ZNF451: variants seen among roughly 807,000 people sequenced by gnomAD.
The protein encoded by ZNF451 is E3 SUMO-protein ligase ZNF451.
A neutral mutation model predicts 107.1 loss-of-function variants in ZNF451; 80 were observed. The observed-to-expected ratio is 0.75, with a 90% CI of 0.62 to 0.90. ZNF451 has a LOEUF of 0.90. ZNF451 is among the 40% of genes least tolerant of loss of function. The pLI, the probability that ZNF451 is intolerant of heterozygous loss-of-function variation, is 0.00. For missense variants in ZNF451, 1,107 were observed against 1,236.2 expected (o/e 0.90, Z 1.57); for synonymous variants, 362 against 406.5 (o/e 0.89, Z 1.32).
intron 9 of ZNF451, among the ~76,000 whole-genome samples, chr6:57,145,919 A>G (rs925171310): frequency 6.6e-6 from 1 of 152,192 alleles, no homozygotes; most frequent in African/African-American, 2.4e-5. Context: ...TTCCATCAAC[A>G]GTGTATAAGT....
Position 57,094,687 on chromosome 6 carries a change from G to C in ZNF451, c.105+3793G>C, listed in dbSNP as rs368542116. Among the ~76,000 whole-genome samples, 105 of 152,080 alleles carry C rather than the reference G, an allele frequency of 6.9e-4. 2 individuals carry two copies. The highest frequency in any genetic ancestry group is 2.3e-3 in the African/African-American group (94 of 41,482). On this transcript the variant is annotated intron_variant, in intron 2 of 14. Coordinates refer to ENST00000370706, the MANE Select transcript of ZNF451 (RefSeq NM_001031623.3). Reference sequence around the variant, plus strand: ...AAACATAACTTCTTTTGAGAAATTGGTAATTTATTTTTGGTCAGTGTTACA... The same window carrying C: ...AAACATAACTTCTTTTGAGAAATTGCTAATTTATTTTTGGTCAGTGTTACA...
intron 3 of ZNF451, among the ~76,000 whole-genome samples, chr6:57,119,041 A>C (rs761793490): frequency 1.4e-4 from 21 of 152,234 alleles, no homozygotes; most frequent in Non-Finnish European, 2.9e-4. Context: ...TCATACTGAA[A>C]ATACCAATTT....
At chr6:57,098,410 C>T (rs2127936549) in intron 2 of ZNF451, among the ~76,000 whole-genome samples, 1 of 152,182 alleles carries the variant, frequency 6.6e-6, no homozygotes, top group Admixed American at 6.5e-5. Context: ...CTTGCCATCA[C>T]CACCATTAGT....
intron 14 of ZNF451, among the ~76,000 whole-genome samples, chr6:57,163,406 C>T (rs1195638539): frequency 7.5e-6 from 1 of 134,214 alleles, no homozygotes; most frequent in Non-Finnish European, 1.6e-5. Flanking sequence ...CAGTGTTTGG[C>T]ACAAAATGGT....
rs538532152 is a variant in ZNF451, at chr6:57,108,716, C to T, written c.186+9575C>T. The stretch of plus-strand genomic sequence containing the variant: ...CAGGTCTTGGAAGCATGTTAATATC[C>T]GTGTGTTTAATTGTCATCTTCCTGC... On this transcript the variant is annotated intron_variant, in intron 3 of 14. Coordinates refer to ENST00000370706, the MANE Select transcript of ZNF451 (RefSeq NM_001031623.3). The T allele has an allele frequency of 7.1e-6, 7 of 985,316 alleles. No individual in the cohort carries two copies. The South Asian group carries it at 2.8e-4, about 40-fold the overall frequency. The allele number at this position is 985,316 out of a possible 1,614,324, so 61.0% of individuals were successfully genotyped here.
chr6:57,168,076 T>G (rs1324276136), intron 14 of ZNF451, among the ~76,000 whole-genome samples: 1 of 152,188 alleles, frequency 6.6e-6, no homozygotes, highest in African/African-American at 2.4e-5. Context: ...CTTATATGTA[T>G]CACCTCAAGT....
chr6:57,147,442 G>C lies in ZNF451; in HGVS notation c.1357G>C (p.Asp453His), dbSNP rs767535656. 4 of 1,614,066 alleles carry C rather than the reference G, an allele frequency of 2.5e-6. No individual in the cohort carries two copies. Among genetic ancestry groups the C allele is most frequent in the Non-Finnish European group, 3.4e-6 (4 of 1,179,966 alleles). ...TCCAAAAAAGAAGATGAATTTAAAA[G>C]ATAAAAGCCATGAAGGTGTTGCTTG... The part of the protein sequence containing the change: ...AIPKKKMNLK[D>H]KSHEGVACVQ... The change falls in exon 10 of 15, where the codon GAT becomes CAT. Residue 453 changes from aspartate (D) to histidine (H), a missense_variant. Physicochemically the swap from Asp to His is moderately conservative, Grantham distance 81 (BLOSUM62 -1). Transcript: ENST00000370706.
chr6:57,140,650 G>A (rs1562616854), intron 7 of ZNF451, among the ~76,000 whole-genome samples: 2 of 149,566 alleles, frequency 1.3e-5, no homozygotes, highest in African/African-American at 4.9e-5. Flanking sequence ...TTTCTAGTGG[G>A]AAAAAAAAAC....
chr6:57,093,949 C>T lies in ZNF451; in HGVS notation c.105+3055C>T, dbSNP rs117031979. Among the ~76,000 whole-genome samples the T allele has an allele frequency of 6.2e-4, 94 of 152,280 alleles. 1 individual carries two copies. The East Asian group carries it at 0.017, about 27-fold the overall frequency. ...TCAGGACTGCACAAGTAACCTGTGT[C>T]CCTGACTTCTCTATATGGGGGGAAA... On this transcript the variant is annotated intron_variant, in intron 2 of 14. Transcript: ENST00000370706.
chr6:57,103,843 C>T, intron 3 of ZNF451: 1 of 985,320 alleles, frequency 1.0e-6, no homozygotes, highest in Non-Finnish European at 1.2e-6. Context: ...ATTGGAAGCT[C>T]ATTCCTCCTC....
Position 57,124,722 on chromosome 6 carries a change from T to G in ZNF451, c.187-12T>G. The G allele has an allele frequency of 6.4e-7, 1 of 1,555,030 alleles. No homozygotes were observed. Among genetic ancestry groups the G allele is most frequent in the Non-Finnish European group, 8.8e-7 (1 of 1,133,218 alleles). ...TTTGTTAAAAGGAATGAAAATTTTT[T>G]TCATGTTATAGGAGAATATTAAACG... is the stretch of plus-strand genomic sequence containing the variant. On this transcript the variant is annotated splice_polypyrimidine_tract_variant and intron_variant, in intron 3 of 14. Transcript: ENST00000370706.
At chr6:57,100,633 G>C in intron 3 of ZNF451, 2 of 1,538,132 alleles carry the variant, frequency 1.3e-6, no homozygotes, top group Non-Finnish European at 1.8e-6. Flanking sequence ...GCCATCCTCT[G>C]AGAATCATCG....
chr6:57,113,747 G>T (rs965034537), intron 3 of ZNF451, among the ~76,000 whole-genome samples: 4 of 150,726 alleles, frequency 2.7e-5, no homozygotes, highest in African/African-American at 9.8e-5. Flanking sequence ...ACAGCCTCCC[G>T]AGTAGCTGGG....
chr6:57,147,088 A>G lies in ZNF451; in HGVS notation c.1005-2A>G. 1.3e-6 allele frequency: 2 copies of G among 1,590,814 alleles called. No homozygotes were observed. Among genetic ancestry groups the G allele is most frequent in the Non-Finnish European group, 1.7e-6 (2 of 1,168,900 alleles). ...CTTTCTATTTCTTTTTATCTAATTTAGAGTTCATTGTCGAAATGCTGGACC... is the reference window on the plus strand; with the variant it reads ...CTTTCTATTTCTTTTTATCTAATTTGGAGTTCATTGTCGAAATGCTGGACC... On this transcript the variant is annotated splice_acceptor_variant, in intron 9 of 14. Coordinates refer to ENST00000370706, the MANE Select transcript of ZNF451 (RefSeq NM_001031623.3). LOFTEE classifies it high-confidence loss of function.
At chr6:57,096,888 G>C (rs1829353154) in intron 2 of ZNF451, among the ~76,000 whole-genome samples, 1 of 141,710 alleles carries the variant, frequency 7.1e-6, no homozygotes, top group Admixed American at 7.8e-5. Flanking sequence ...CAATTCATCT[G>C]CCTCAGCCTC....
At chr6:57,103,212 T>G (rs1055424231) in intron 3 of ZNF451, 17 of 985,286 alleles carry the variant, frequency 1.7e-5, no homozygotes, top group Non-Finnish European at 2.0e-5. Flanking sequence ...ATACCATCAG[T>G]CTAGATTTTA....
At chr6:57,111,112 G>A (rs1335399095) in intron 3 of ZNF451, among the ~76,000 whole-genome samples, 1 of 151,844 alleles carries the variant, frequency 6.6e-6, no homozygotes, top group African/African-American at 2.4e-5. Context: ...GTAGAGATGG[G>A]GTTTTGCCAT....
At chr6:57,166,106 C>A (rs577660930) in intron 14 of ZNF451, among the ~76,000 whole-genome samples, 6 of 151,966 alleles carry the variant, frequency 3.9e-5, no homozygotes, top group Non-Finnish European at 8.8e-5. Context: ...TGGCTCACTG[C>A]AACCTCCGCC....
chr6:57,091,693 C>G (rs9367706), intron 2 of ZNF451, among the ~76,000 whole-genome samples: 8 of 152,112 alleles, frequency 5.3e-5, no homozygotes, highest in Non-Finnish European at 1.0e-4. Flanking sequence ...TATCTCAGCT[C>G]GCCAGGCAGA....
Sources: gnomAD v4.1 joint callset for allele counts (sites outside exome capture counted in the v4.1 genomes callset) on GRCh38, gnomAD v4.1.1 for gene constraint, MANE v1.5 for transcripts, NCBI Gene and HGNC (gene_info 2026-07-23, HGNC 2026-07-21) for gene names.